ANKRD11: variants seen among roughly 807,000 people sequenced by gnomAD.
ANKRD11 encodes the protein ankyrin repeat domain-containing protein 11.
A neutral mutation model predicts 195.7 loss-of-function variants in ANKRD11; 17 were observed. The ratio of observed to expected loss-of-function variants is 0.09; its 90% CI spans 0.06 to 0.13. ANKRD11 has a LOEUF of 0.13. Ranked by LOEUF, ANKRD11 falls within the 10% of genes least tolerant of loss-of-function variation. The pLI is 1.00. For missense variants in ANKRD11, 3,735 were observed against 3,566.1 expected, an observed-to-expected ratio of 1.05 and a Z score of -1.21; for synonymous variants, 1,953 against 1,528.1, an observed-to-expected ratio of 1.28 and a Z score of -6.49.
intron 1 of ANKRD11, among the ~76,000 whole-genome samples, chr16:89,464,157 T>A (rs1384172871): frequency 6.6e-6 from 1 of 152,022 alleles, no homozygotes; most frequent in Non-Finnish European, 1.5e-5. Context: ...GAGAATCACT[T>A]GAACCTGGGA....
chr16:89,389,128 C>A (rs1403741603), intron 2 of ANKRD11, among the ~76,000 whole-genome samples: 1 of 152,120 alleles, frequency 6.6e-6, no homozygotes. Context: ...AGGCAATCCT[C>A]CCACCTCAGC....
intron 1 of ANKRD11, among the ~76,000 whole-genome samples, chr16:89,460,093 C>T (rs909168175): frequency 7.9e-5 from 12 of 151,744 alleles, no homozygotes; most frequent in South Asian, 4.2e-4. Context: ...AAAGAATTAG[C>T]TGGGCGTGGT....
rs1173919797 is a variant in ANKRD11, at chr16:89,281,186, T to G, written c.5356A>C (p.Asn1786His). The part of the protein sequence containing the change: ...SQAPARPLST[N>H]LYRSVSVDIR... ...TCGACAGAGACCGAGCGGTAAAGGT[T>G]TGTGGAGAGAGGCCTGGCAGGAGCC... Residue 1786 changes from asparagine to histidine, a missense_variant, in exon 9 of 13, where the codon AAC (asparagine) becomes CAC (histidine). Asn to His is a moderately conservative substitution (Grantham distance 68, BLOSUM62 1). Transcript: ENST00000301030. This position sits in a 1 kb window ranked among gnomAD's most constrained non-coding sequence, Gnocchi z 5.5. The G allele has an allele frequency of 1.9e-6, 3 of 1,613,946 alleles. No homozygotes were observed. Among genetic ancestry groups the G allele is most frequent in the Non-Finnish European group, 2.5e-6 (3 of 1,179,944 alleles).
At position 89,279,674 on chromosome 16, in the gene ANKRD11, G is replaced by A. The variant is rs374668457; in HGVS notation, c.6868C>T (p.Pro2290Ser). Residue 2290 changes from proline (P) to serine (S), a missense_variant, in exon 9 of 13, where the codon CCC (proline) becomes TCC (serine). Physicochemically the swap from Pro to Ser is moderately conservative, Grantham distance 74. Transcript: ENST00000301030. This position sits in a 1 kb window ranked among gnomAD's most constrained non-coding sequence, Gnocchi z 5.6. The stretch of plus-strand genomic sequence containing the variant: ...CGGGAGGCCTCAGTGTCGTCCTCGG[G>A]GCCGGCACCGTCTGCGGCCTGAGCT... Reference protein sequence around the residue: ...AQAQAADGAGPEDDTEASRAA... With the variant: ...AQAQAADGAGSEDDTEASRAA... 1,487 of 1,471,670 alleles carry A rather than the reference G, an allele frequency of 1.0e-3. 49 individuals are homozygous for A. The East Asian group carries it at 0.027, about 26-fold the overall frequency. 91.2% of individuals were successfully genotyped at this position (1,471,670 alleles called of 1,614,324 possible). A position where few individuals can be genotyped will look rare whatever the true frequency, so the allele number is the denominator to read the frequency against.
chr16:89,312,687 C>A (rs1391728625), intron 3 of ANKRD11, among the ~76,000 whole-genome samples: 1 of 152,244 alleles, frequency 6.6e-6, no homozygotes, highest in Non-Finnish European at 1.5e-5. Flanking sequence ...GCTTCGCCCT[C>A]CTGTGCTCTC....
intron 9 of ANKRD11, among the ~76,000 whole-genome samples, chr16:89,275,518 G>A (rs1179816657): frequency 6.6e-6 from 1 of 152,244 alleles, no homozygotes; most frequent in Non-Finnish European, 1.5e-5. Flanking sequence ...ACTGTGCAGA[G>A]GAGATACAGC....
chr16:89,285,741 G>T lies in ANKRD11; in HGVS notation c.893-92C>A. 1 of 1,422,618 alleles carries T rather than the reference G, an allele frequency of 7.0e-7. No individual in the cohort carries two copies. Among genetic ancestry groups the T allele is most frequent in the Non-Finnish European group, 9.9e-7 (1 of 1,012,604 alleles). 88.1% of individuals were successfully genotyped at this position (1,422,618 alleles called of 1,614,324 possible). On this transcript the variant is annotated intron_variant, in intron 8 of 12. Coordinates refer to ENST00000301030, the MANE Select transcript of ANKRD11 (RefSeq NM_013275.6). This position sits in a 1 kb window ranked among gnomAD's most constrained non-coding sequence, Gnocchi z 5.6. ...AGGGAGGCTCTGCAGATGTGTCTGC[G>T]GGAAGGTTCCCACCCTGCCTCTGCA...
At position 89,418,922 on chromosome 16, in the gene ANKRD11, A is replaced by C. The variant is rs116810273; in HGVS notation, c.-144-554T>G. Among the ~76,000 whole-genome samples the C allele has an allele frequency of 6.3e-3, 952 of 152,022 alleles. 14 individuals carry two copies. Among genetic ancestry groups the C allele is most frequent in the African/African-American group, 0.022 (909 of 41,468 alleles). ...GTAGATGGGATTACAGGCGCTCGCC[A>C]CCCACCCCCGGCTGATCTGGACCTC... On this transcript the variant is annotated intron_variant, in intron 1 of 12. Coordinates refer to ENST00000301030, the MANE Select transcript of ANKRD11 (RefSeq NM_013275.6).
chr16:89,357,535 A>T (rs1262627790), intron 2 of ANKRD11, among the ~76,000 whole-genome samples: 1 of 152,196 alleles, frequency 6.6e-6, no homozygotes, highest in East Asian at 1.9e-4. Context: ...ATACAAAAGA[A>T]CTGAAAGCAG....
At chr16:89,313,027 C>T (rs1299065849) in intron 3 of ANKRD11, among the ~76,000 whole-genome samples, 3 of 152,206 alleles carry the variant, frequency 2.0e-5, no homozygotes, top group Non-Finnish European at 2.9e-5. Context: ...TTCTCAACTG[C>T]AGCCTCCATG....
chr16:89,434,333 T>C (rs947876178), intron 1 of ANKRD11, among the ~76,000 whole-genome samples: 1 of 152,184 alleles, frequency 6.6e-6, no homozygotes, highest in African/African-American at 2.4e-5. Flanking sequence ...CTCCCAGTCA[T>C]ACAGTTGTCG....
intron 2 of ANKRD11, among the ~76,000 whole-genome samples, chr16:89,388,824 C>T (rs1031207721): frequency 6.6e-6 from 1 of 152,126 alleles, no homozygotes; most frequent in Non-Finnish European, 1.5e-5. Context: ...TGCCACAGCC[C>T]GGGGAATGAT....
chr16:89,274,076 T>C (rs1468803004), intron 11 of ANKRD11, among the ~76,000 whole-genome samples: 2 of 152,096 alleles, frequency 1.3e-5, no homozygotes, highest in Admixed American at 6.5e-5. Context: ...GGGTCCCACA[T>C]GGACAGGTCA....
At chr16:89,464,586 C>A (rs1454321479) in intron 1 of ANKRD11, among the ~76,000 whole-genome samples, 1 of 129,954 alleles carries the variant, frequency 7.7e-6, no homozygotes, top group Non-Finnish European at 1.6e-5. Flanking sequence ...CCAGCCTGGG[C>A]GACAGAGTGA....
chr16:89,404,134 C>T (rs963485917), intron 2 of ANKRD11, among the ~76,000 whole-genome samples: 2 of 152,206 alleles, frequency 1.3e-5, no homozygotes, highest in African/African-American at 4.8e-5. Flanking sequence ...GGAGTCCTCT[C>T]AGCACCAACA....
chr16:89,443,655 T>C (rs938135139), intron 1 of ANKRD11, among the ~76,000 whole-genome samples: 3 of 152,202 alleles, frequency 2.0e-5, no homozygotes, highest in Non-Finnish European at 2.9e-5. Flanking sequence ...CTACCAGACC[T>C]GTTAAGCCTT....
chr16:89,306,237 C>T (rs1597558839), intron 3 of ANKRD11, among the ~76,000 whole-genome samples: 1 of 83,964 alleles, frequency 1.2e-5, no homozygotes, highest in Non-Finnish European at 2.3e-5. Flanking sequence ...CGCAGACACG[C>T]GCCACCTCCC....
In ANKRD11 at chr16:89,280,653, G is replaced by A. The variant is rs748114867; in HGVS notation, c.5889C>T (p.Ile1963=). 14 of 1,613,356 alleles carry A rather than the reference G, an allele frequency of 8.7e-6. No individual in the cohort carries two copies. The highest frequency in any genetic ancestry group is 2.7e-5 in the African/African-American group (2 of 74,940). ...PSEQALASSL[I]GGTSENPVSW... Reference sequence around the variant, plus strand: ...TCACAGGGTTTTCAGAGGTGCCCCCGATCAGGCTAGAGGCAAGCGCCTGCT... The same window carrying A: ...TCACAGGGTTTTCAGAGGTGCCCCCAATCAGGCTAGAGGCAAGCGCCTGCT... Residue 1963 remains isoleucine, a synonymous_variant, in exon 9 of 13, where the codon ATC becomes ATT. Coordinates refer to ENST00000301030, the MANE Select transcript of ANKRD11 (RefSeq NM_013275.6).
At chr16:89,307,498 G>C (rs1045952547) in intron 3 of ANKRD11, among the ~76,000 whole-genome samples, 6 of 152,212 alleles carry the variant, frequency 3.9e-5, no homozygotes, top group Admixed American at 2.6e-4. Flanking sequence ...TCTCCAGTGA[G>C]ACACGGGGAC....
Sources: gnomAD v4.1 joint callset for allele counts (sites outside exome capture counted in the v4.1 genomes callset) on GRCh38, gnomAD v4.1.1 for gene constraint, Gnocchi (gnomAD v3.1) non-coding constraint, MANE v1.5 for transcripts, NCBI Gene and HGNC (gene_info 2026-07-23, HGNC 2026-07-21) for gene names.